Variants in KCNQ1OT1 observed in about 807,000 individuals in gnomAD.
The protein encoded by KCNQ1OT1 is KCNQ1 opposite strand/antisense transcript 1, also known as KCNQ1 antisense RNA 2 (non-protein coding).
chr11:2,622,804 C>T (rs1009796991), exon 1 of KCNQ1OT1: 9 of 398,526 alleles, frequency 2.3e-5, no homozygotes, highest in Non-Finnish European at 4.0e-5. Context: ...TGCACCCATA[C>T]ATACAGAGCT....
In KCNQ1OT1 at chr11:2,674,020, T is replaced by G; in HGVS notation, n.25975A>C. On this transcript the variant is annotated non_coding_transcript_exon_variant, in exon 1 of 1. Transcript: ENST00000597346. The surrounding 1 kb of genome is among the most constrained non-coding windows in gnomAD (Gnocchi z 5.9). ...GAGGGCCCTCCGTGCTTTCTGGCTCTTTGGGCCTGGGGTGCAGCCCCTCAT... is the reference window on the plus strand; with the variant it reads ...GAGGGCCCTCCGTGCTTTCTGGCTCGTTGGGCCTGGGGTGCAGCCCCTCAT... 2.5e-6 allele frequency: 1 copy of G among 398,536 alleles called. No individual in the cohort carries two copies. The highest frequency in any genetic ancestry group is 4.4e-6 in the Non-Finnish European group (1 of 226,060). The allele number at this position is 398,536 out of a possible 1,614,324, so 24.7% of individuals were successfully genotyped here. A position where few individuals can be genotyped will look rare whatever the true frequency, so the allele number is the denominator to read the frequency against.
At chr11:2,667,219 T>C in exon 1 of KCNQ1OT1, 1 of 398,570 alleles carries the variant, frequency 2.5e-6, no homozygotes, top group Non-Finnish European at 4.4e-6. Context: ...CCCTAACCTT[T>C]CCAAACTTCA....
exon 1 of KCNQ1OT1, chr11:2,684,704 G>T (rs894723521): frequency 2.5e-6 from 1 of 398,662 alleles, no homozygotes; most frequent in Non-Finnish European, 4.4e-6. Flanking sequence ...ACTTGCTCAG[G>T]CGGAGGGGCC....
chr11:2,621,768 G>A lies in KCNQ1OT1; in HGVS notation n.78227C>T. 2 of 398,098 alleles carry A rather than the reference G, an allele frequency of 5.0e-6. No homozygotes were observed. The highest frequency in any genetic ancestry group is 8.9e-6 in the Non-Finnish European group (2 of 225,896). The allele number at this position is 398,098 out of a possible 1,614,324, so 24.7% of individuals were successfully genotyped here. On this transcript the variant is annotated non_coding_transcript_exon_variant, in exon 1 of 1. Transcript: ENST00000597346. This position sits in a 1 kb window ranked among gnomAD's most constrained non-coding sequence, Gnocchi z 5.7. Reference sequence around the variant, plus strand: ...ATTTCTGATTTTGTCCTCTTTCTTAGTCCAAGAGTTTGTTGATTTTATTTT... The same window carrying A: ...ATTTCTGATTTTGTCCTCTTTCTTAATCCAAGAGTTTGTTGATTTTATTTT...
In KCNQ1OT1 at chr11:2,658,217, A is replaced by G; in HGVS notation, n.41778T>C. On this transcript the variant is annotated non_coding_transcript_exon_variant, in exon 1 of 1. Coordinates refer to ENST00000597346, the Ensembl canonical transcript of KCNQ1OT1. The surrounding 1 kb of genome is among the most constrained non-coding windows in gnomAD (Gnocchi z 4.9). ...CACTAACTAATTTCAGCATTCATTCATGGATCGTTTTCCTGCAGCAAATAT... is the reference window on the plus strand; with the variant it reads ...CACTAACTAATTTCAGCATTCATTCGTGGATCGTTTTCCTGCAGCAAATAT... The G allele has an allele frequency of 2.5e-6, 1 of 398,580 alleles. No homozygotes were observed. The highest frequency in any genetic ancestry group is 4.4e-6 in the Non-Finnish European group (1 of 226,040). The allele number at this position is 398,580 out of a possible 1,614,324, so 24.7% of individuals were successfully genotyped here.
chr11:2,691,019 C>T lies in KCNQ1OT1; in HGVS notation n.8976G>A, dbSNP rs1850579384. The T allele has an allele frequency of 2.5e-6, 1 of 398,658 alleles. No individual in the cohort carries two copies. The highest frequency in any genetic ancestry group is 4.4e-6 in the Non-Finnish European group (1 of 226,076). The allele number at this position is 398,658 out of a possible 1,614,324, so 24.7% of individuals were successfully genotyped here. On this transcript the variant is annotated non_coding_transcript_exon_variant, in exon 1 of 1. Coordinates refer to ENST00000597346, the Ensembl canonical transcript of KCNQ1OT1. This position sits in a 1 kb window ranked among gnomAD's most constrained non-coding sequence, Gnocchi z 6.4. ...GAAGTGGGCAAAAGCTCTGGGTGAA[C>T]TCTTGGCTCAGGTATCAGGATATGC... is the stretch of plus-strand genomic sequence containing the variant.
rs1391715248 is a variant in KCNQ1OT1 at position 2,645,770 on chromosome 11, G to A, written n.54225C>T. 4 of 398,580 alleles carry A rather than the reference G, an allele frequency of 1.0e-5. No individual in the cohort carries two copies. Among genetic ancestry groups the A allele is most frequent in the African/African-American group, 4.1e-5 (2 of 48,592 alleles). The allele number at this position is 398,580 out of a possible 1,614,324, so 24.7% of individuals were successfully genotyped here. Reference sequence around the variant, plus strand: ...CCAGGGATGAGATAGAGGGATGTGGGGCCCACAGCAGATGCAGTCTGGTGG... The same window carrying A: ...CCAGGGATGAGATAGAGGGATGTGGAGCCCACAGCAGATGCAGTCTGGTGG... On this transcript the variant is annotated non_coding_transcript_exon_variant, in exon 1 of 1. Transcript: ENST00000597346. This position sits in a 1 kb window ranked among gnomAD's most constrained non-coding sequence, Gnocchi z 5.8.
chr11:2,668,550 G>A lies in KCNQ1OT1; in HGVS notation n.31445C>T, dbSNP rs1399665027. ...TTGCAGTAACCTGTTGACTAATGAA[G>A]TTGAGTCCCTTTCCATGTTATCATT... On this transcript the variant is annotated non_coding_transcript_exon_variant, in exon 1 of 1. Transcript: ENST00000597346. The surrounding 1 kb of genome is among the most constrained non-coding windows in gnomAD (Gnocchi z 4.3). 1 of 398,616 alleles carries A rather than the reference G, an allele frequency of 2.5e-6. No individual in the cohort carries two copies. Among genetic ancestry groups the A allele is most frequent in the Non-Finnish European group, 4.4e-6 (1 of 226,070 alleles). The allele number at this position is 398,616 out of a possible 1,614,324, so 24.7% of individuals were successfully genotyped here. A position where few individuals can be genotyped will look rare whatever the true frequency, so the allele number is the denominator to read the frequency against.
At position 2,674,292 on chromosome 11, in the gene KCNQ1OT1, A is replaced by G. The variant is rs1850247465; in HGVS notation, n.25703T>C. ...GGCACACACACTAGGACCTTTCTTC[A>G]TCATGCAGCCGTAGAGCTGGAGGCC... On this transcript the variant is annotated non_coding_transcript_exon_variant, in exon 1 of 1. Transcript: ENST00000597346. The surrounding 1 kb of genome is among the most constrained non-coding windows in gnomAD (Gnocchi z 5.9). 5.0e-6 allele frequency: 2 copies of G among 398,606 alleles called. No homozygotes were observed. The highest frequency in any genetic ancestry group is 4.4e-6 in the Non-Finnish European group (1 of 226,098). The allele number at this position is 398,606 out of a possible 1,614,324, so 24.7% of individuals were successfully genotyped here.
In KCNQ1OT1 at chr11:2,674,969, G is replaced by A. The variant is rs1270947473; in HGVS notation, n.25026C>T. 16 of 397,502 alleles carry A rather than the reference G, an allele frequency of 4.0e-5. No homozygotes were observed. In the Middle Eastern group the frequency reaches 1.9e-3, roughly 46 times the overall value. The allele number at this position is 397,502 out of a possible 1,614,324, so 24.6% of individuals were successfully genotyped here. A position where few individuals can be genotyped will look rare whatever the true frequency, so the allele number is the denominator to read the frequency against. ...GGGCTGACTGGAGCTGTTTCTCTTC[G>A]TTTCCTCTTACAGTGGCGGGCACTC... is the stretch of plus-strand genomic sequence containing the variant. On this transcript the variant is annotated non_coding_transcript_exon_variant, in exon 1 of 1. Coordinates refer to ENST00000597346, the Ensembl canonical transcript of KCNQ1OT1. This position sits in a 1 kb window ranked among gnomAD's most constrained non-coding sequence, Gnocchi z 5.9.
exon 1 of KCNQ1OT1, chr11:2,631,021 A>G: frequency 5.0e-6 from 2 of 398,460 alleles, no homozygotes; most frequent in Non-Finnish European, 8.8e-6. Context: ...CTTGTCTTCC[A>G]TTTTTTACAT....
At position 2,612,050 on chromosome 11, in the gene KCNQ1OT1, A is replaced by T; in HGVS notation, n.87945T>A. On this transcript the variant is annotated non_coding_transcript_exon_variant, in exon 1 of 1. Coordinates refer to ENST00000597346, the Ensembl canonical transcript of KCNQ1OT1. This position sits in a 1 kb window ranked among gnomAD's most constrained non-coding sequence, Gnocchi z 5.5. ...ATGTTTTCTACTCTTAATTACATAT[A>T]TGTTACAACTTAATTACACATACAT... is the stretch of plus-strand genomic sequence containing the variant. 2.5e-6 allele frequency: 1 copy of T among 398,662 alleles called. No homozygotes were observed. The highest frequency in any genetic ancestry group is 4.4e-6 in the Non-Finnish European group (1 of 226,072). The allele number at this position is 398,662 out of a possible 1,614,324, so 24.7% of individuals were successfully genotyped here.
chr11:2,652,161 C>T lies in KCNQ1OT1; in HGVS notation n.47834G>A, dbSNP rs1231329160. The T allele has an allele frequency of 7.5e-6, 3 of 398,528 alleles. No individual in the cohort carries two copies. Among genetic ancestry groups the T allele is most frequent in the African/African-American group, 6.2e-5 (3 of 48,626 alleles). The allele number at this position is 398,528 out of a possible 1,614,324, so 24.7% of individuals were successfully genotyped here. On this transcript the variant is annotated non_coding_transcript_exon_variant, in exon 1 of 1. Transcript: ENST00000597346. The surrounding 1 kb of genome is among the most constrained non-coding windows in gnomAD (Gnocchi z 5.9). ...GTTTCTCAAGCCCGCGCCCTCGGGG[C>T]CTGGGGGTGGGGCCCCAGCAGATGT...
chr11:2,622,152 T>C (rs1458737071), exon 1 of KCNQ1OT1: 2 of 398,262 alleles, frequency 5.0e-6, no homozygotes, highest in African/African-American at 2.1e-5. Flanking sequence ...AAGTACGTTA[T>C]TGAAGTCCCT....
exon 1 of KCNQ1OT1, chr11:2,610,107 C>T: frequency 5.0e-6 from 2 of 397,634 alleles, no homozygotes; most frequent in Non-Finnish European, 8.9e-6. Context: ...TTGCTGCTTT[C>T]TTTTCCATCT....
chr11:2,610,119 G>A (rs1848954812), exon 1 of KCNQ1OT1: 1 of 397,510 alleles, frequency 2.5e-6, no homozygotes, highest in Non-Finnish European at 4.4e-6. Context: ...TTTCCATCTA[G>A]TGACTACTTT....
At chr11:2,609,054 G>GT (rs1589979420) in exon 1 of KCNQ1OT1, 2 of 397,746 alleles carry the variant, frequency 5.0e-6, no homozygotes, top group Non-Finnish European at 8.9e-6. Flanking sequence ...TTATTATTTT[G>GT]TTTTTTCTAC....
At chr11:2,633,718 G>A in exon 1 of KCNQ1OT1, 1 of 398,322 alleles carries the variant, frequency 2.5e-6, no homozygotes. Flanking sequence ...TGTTCCATTG[G>A]TCTATATGTC....
At position 2,654,205 on chromosome 11, in the gene KCNQ1OT1, C is replaced by T. The variant is rs1849801544; in HGVS notation, n.45790G>A. The T allele has an allele frequency of 5.0e-6, 2 of 398,674 alleles. No individual in the cohort carries two copies. Among genetic ancestry groups the T allele is most frequent in the African/African-American group, 2.1e-5 (1 of 48,614 alleles). The allele number at this position is 398,674 out of a possible 1,614,324, so 24.7% of individuals were successfully genotyped here. A position where few individuals can be genotyped will look rare whatever the true frequency, so the allele number is the denominator to read the frequency against. On this transcript the variant is annotated non_coding_transcript_exon_variant, in exon 1 of 1. Coordinates refer to ENST00000597346, the Ensembl canonical transcript of KCNQ1OT1. The surrounding 1 kb of genome is among the most constrained non-coding windows in gnomAD (Gnocchi z 6.4). ...GGGGCTGCGGCTCAGCAATGTCACG[C>T]AGGGCCTGGCTGCAGCTGTCCGGAT...
Sources: allele counts gnomAD v4.1 joint callset, GRCh38; gene constraint gnomAD v4.1.1; non-coding constraint Gnocchi (gnomAD v3.1); transcripts MANE v1.5; gene names NCBI Gene and HGNC (gene_info 2026-07-23, HGNC 2026-07-21).